The following JAG1 variants were observed in gnomAD, a reference collection of about 807,000 sequenced individuals.
The protein encoded by JAG1 is protein jagged-1.
JAG1 carries 23 observed loss-of-function variants against 148.7 expected under a neutral mutation model. The ratio of observed to expected loss-of-function variants is 0.15; its 90% CI spans 0.11 to 0.22. The LOEUF (loss-of-function observed/expected upper bound fraction) is 0.22. JAG1 is among the 10% of genes least tolerant of loss of function. The pLI is 1.00. For synonymous variants in JAG1, 572 were observed against 598.3 expected (o/e 0.96, Z 0.64); for missense variants, 1,054 against 1,611.2 (o/e 0.65, Z 5.92).
intron 11 of JAG1, 158 bp from the exon 12 acceptor site, chr20:10,648,880 G>A: frequency 1.1e-6 from 1 of 890,686 alleles, no homozygotes; most frequent in Non-Finnish European, 1.8e-6. Context: ...ATTTCTATGT[G>A]CATGCCTTCA....
intron 8 of JAG1, 177 bp downstream of exon 8, chr20:10,651,404 G>A: frequency 3.3e-6 from 2 of 598,450 alleles, no homozygotes; most frequent in African/African-American, 1.9e-5. Context: ...GGGACAGGAT[G>A]GGGGTGCTGG....
intron 2 of JAG1, among the ~76,000 whole-genome samples, chr20:10,671,927 G>A (rs1445591146): frequency 6.6e-6 from 1 of 151,880 alleles, no homozygotes; most frequent in African/African-American, 2.4e-5. Context: ...GCCTTGGCAC[G>A]GCCCCCGAAG....
At position 10,645,610 on chromosome 20, in the gene JAG1, G is replaced by T; in HGVS notation, c.2000-141C>A. ...AGTCGTAGTACTTTAACACAATCAG[G>T]CTTTTCCAGGAATAAAGGAGCTCCC... On this transcript the variant is annotated intron_variant, in intron 15 of 25. Transcript: ENST00000254958. The surrounding 1 kb of genome is among the most constrained non-coding windows in gnomAD (Gnocchi z 6.1). 1.3e-6 allele frequency: 1 copy of T among 752,344 alleles called. No individual in the cohort carries two copies. The highest frequency in any genetic ancestry group is 2.7e-5 in the East Asian group (1 of 37,476). 46.6% of individuals were successfully genotyped at this position (752,344 alleles called of 1,614,324 possible).
chr20:10,668,657 G>A (rs1409616892), intron 2 of JAG1, among the ~76,000 whole-genome samples: 2 of 150,666 alleles, frequency 1.3e-5, no homozygotes, highest in African/African-American at 4.9e-5. Context: ...AAGGCTCCTT[G>A]TTACCTTGAC....
chr20:10,666,553 G>C (rs1210546978), intron 2 of JAG1, among the ~76,000 whole-genome samples: 1 of 152,136 alleles, frequency 6.6e-6, no homozygotes, highest in Non-Finnish European at 1.5e-5. Flanking sequence ...GCAAATACCT[G>C]GGTTTTTCTT....
chr20:10,672,765 T>A lies in JAG1; in HGVS notation c.323A>T (p.Asn108Ile), dbSNP rs2067505956. The change falls in exon 2 of 26, where the codon AAC (asparagine) becomes ATC (isoleucine). Residue 108 changes from asparagine (N) to isoleucine (I), a missense_variant. Coordinates refer to ENST00000254958, the MANE Select transcript of JAG1 (RefSeq NM_000214.3). The stretch of plus-strand genomic sequence containing the variant: ...GTCGTTGCCGCGGCTGGCCTTGAGG[T>A]TGAAGGTGTTGCCCCCGATGACAGG... ...STPVIGGNTFNLKASRGNDRN... is the reference protein window; with the variant it reads ...STPVIGGNTFILKASRGNDRN... The A allele has an allele frequency of 5.0e-6, 8 of 1,612,988 alleles. No individual in the cohort carries two copies. In the Middle Eastern group the frequency reaches 6.6e-4, roughly 133 times the overall value.
chr20:10,643,644 GGAGA>G, intron 20 of JAG1, 130 bp downstream of exon 20: 1 of 756,980 alleles, frequency 1.3e-6, no homozygotes, highest in Non-Finnish European at 2.3e-6. Flanking sequence ...CCCAGCTGGA[GGAGA>G]GAGATCCTTT....
Position 10,640,835 on chromosome 20 carries a change from A to G in JAG1, c.3147T>C (p.Ile1049=), listed in dbSNP as rs1003116204. ...GAACTCTTACTTCTGCAACGGCAGC[A>G]ATCAGCGAGCTGTTTCCATCACGTT... The part of the protein sequence containing the change: ...VSKRDGNSSL[I]AAVAEVRVQR... Residue 1049 remains isoleucine, a synonymous_variant, in exon 25 of 26, where the codon ATT becomes ATC. Coordinates refer to ENST00000254958, the MANE Select transcript of JAG1 (RefSeq NM_000214.3). 10 of 1,614,098 alleles carry G rather than the reference A, an allele frequency of 6.2e-6. No individual in the cohort carries two copies. Among genetic ancestry groups the G allele is most frequent in the Non-Finnish European group, 5.9e-6 (7 of 1,180,050 alleles).
chr20:10,671,968 G>A (rs1600195870), intron 2 of JAG1, among the ~76,000 whole-genome samples: 1 of 152,024 alleles, frequency 6.6e-6, no homozygotes, highest in East Asian at 2.0e-4. Flanking sequence ...CGCCCTTCCC[G>A]GGGAAGTCTG....
In JAG1 at chr20:10,648,653, C is replaced by T. The variant is rs370107709; in HGVS notation, c.1465G>A (p.Asp489Asn). 15 of 1,614,110 alleles carry T rather than the reference C, an allele frequency of 9.3e-6. No individual in the cohort carries two copies. The highest frequency in any genetic ancestry group is 4.4e-5 in the South Asian group (4 of 91,084). ...YAGDHCERDI[D>N]ECASNPCLNG... Reference sequence around the variant, plus strand: ...AAACAGGGGTTGCTGGCACATTCATCGATGTCTCTCTCACAGTGATCGCCT... The same window carrying T: ...AAACAGGGGTTGCTGGCACATTCATTGATGTCTCTCTCACAGTGATCGCCT... Residue 489 changes from aspartate to asparagine, a missense_variant, in exon 12 of 26, where the codon GAT becomes AAT. Around this residue, in one of 6 missense-constraint regions of JAG1, gnomAD observed 245 missense variants for 373.1 expected, o/e 0.66. Transcript: ENST00000254958.
intron 25 of JAG1, 71 bp from the exon 26 acceptor site, chr20:10,640,026 G>T: frequency 8.1e-7 from 1 of 1,230,504 alleles, no homozygotes; most frequent in South Asian, 1.3e-5. Context: ...AGGAACAAAA[G>T]AATACCAACA....
rs35826283 is a variant in JAG1 at position 10,659,559 on chromosome 20, CTTTTTTTTTTT to C, written c.440-848_440-838del. On this transcript the variant is annotated intron_variant, in intron 3 of 25. Transcript: ENST00000254958. ...GGAAGCCAAGGAGACGATTAAGTTACTTTTTTTTTTTTTTTTTTTTTTTTTTTTACAATTGT... is the reference window on the plus strand; with the variant it reads ...GGAAGCCAAGGAGACGATTAAGTTACTTTTTTTTTTTTTTTTTACAATTGT... Among the ~76,000 whole-genome samples, 56 of 105,156 alleles carry C rather than the reference CTTTTTTTTTTT, an allele frequency of 5.3e-4. 1 individual carries two copies. The East Asian group carries it at 9.1e-3, about 17-fold the overall frequency. The allele number at this position is 105,156 out of a possible 152,430, so 69.0% of individuals were successfully genotyped here. A position where few individuals can be genotyped will look rare whatever the true frequency, so the allele number is the denominator to read the frequency against.
chr20:10,673,104 C>T lies in JAG1; in HGVS notation c.82-98G>A. The T allele has an allele frequency of 9.0e-7, 1 of 1,116,216 alleles. No homozygotes were observed. Among genetic ancestry groups the T allele is most frequent in the Non-Finnish European group, 1.3e-6 (1 of 754,144 alleles). The allele number at this position is 1,116,216 out of a possible 1,614,324, so 69.1% of individuals were successfully genotyped here. A position where few individuals can be genotyped will look rare whatever the true frequency, so the allele number is the denominator to read the frequency against. ...CTCCCACTCCCCGCCCCGACGAGCC[C>T]TCCTCGCCGAGTGAAAATAATTTTG... is the stretch of plus-strand genomic sequence containing the variant. On this transcript the variant is annotated intron_variant, in intron 1 of 25. Transcript: ENST00000254958. The surrounding 1 kb of genome is among the most constrained non-coding windows in gnomAD (Gnocchi z 4.7).
Position 10,652,461 on chromosome 20 carries a change from GC to G in JAG1, c.886+6del. ...CCCACCCTGGGTCTCATCCCTAAGGGCCATACCTTTGTCACAGAGCTGGCCG... is the reference window on the plus strand; with the variant it reads ...CCCACCCTGGGTCTCATCCCTAAGGGCATACCTTTGTCACAGAGCTGGCCG... On this transcript the variant is annotated splice_donor_region_variant and intron_variant, in intron 6 of 25. Transcript: ENST00000254958. The G allele has an allele frequency of 6.2e-7, 1 of 1,614,020 alleles. No homozygotes were observed. Among genetic ancestry groups the G allele is most frequent in the Non-Finnish European group, 8.5e-7 (1 of 1,179,992 alleles).
intron 4 of JAG1, 129 bp from the exon 5 acceptor site, chr20:10,656,587 G>A (rs2067380736): frequency 1.1e-5 from 8 of 745,132 alleles, no homozygotes; most frequent in East Asian, 2.7e-5. Flanking sequence ...CAAGTCCCTT[G>A]TAAGGAGAGG....
chr20:10,644,929 C>A lies in JAG1; in HGVS notation c.2278G>T (p.Val760Leu). The change falls in exon 18 of 26, where the codon GTG (valine) becomes TTG (leucine). Residue 760 changes from valine (V) to leucine (L), a missense_variant. Val to Leu is a conservative substitution (Grantham distance 32). Around this residue, in one of 6 missense-constraint regions of JAG1, gnomAD observed 342 missense variants for 514.6 expected, o/e 0.66. Coordinates refer to ENST00000254958, the MANE Select transcript of JAG1 (RefSeq NM_000214.3). ...PNPCHNGGTCVVNGESFTCVC... is the reference protein window; with the variant it reads ...PNPCHNGGTCLVNGESFTCVC... ...CACGTAAAGGACTCGCCGTTGACCA[C>A]ACATGTGCCCCCATTATGGCAGGGG... is the stretch of plus-strand genomic sequence containing the variant. 1.2e-6 allele frequency: 2 copies of A among 1,614,198 alleles called. No homozygotes were observed. Among genetic ancestry groups the A allele is most frequent in the Non-Finnish European group, 1.7e-6 (2 of 1,180,026 alleles).
intron 8 of JAG1, 198 bp downstream of exon 8, chr20:10,651,383 G>A (rs1467679743): frequency 3.5e-6 from 2 of 564,346 alleles, no homozygotes. Flanking sequence ...AGATACATGC[G>A]CTACCTTAGT....
chr20:10,648,659 C>T lies in JAG1; in HGVS notation c.1459G>A (p.Asp487Asn). ...PGYAGDHCER[D>N]IDECASNPCL... ...GGGTTGCTGGCACATTCATCGATGT[C>T]TCTCTCACAGTGATCGCCTGCATAG... Residue 487 changes from aspartate to asparagine, a missense_variant, in exon 12 of 26, where the codon GAC becomes AAC. Coordinates refer to ENST00000254958, the MANE Select transcript of JAG1 (RefSeq NM_000214.3). 1 of 1,614,180 alleles carries T rather than the reference C, an allele frequency of 6.2e-7. No individual in the cohort carries two copies. Among genetic ancestry groups the T allele is most frequent in the African/African-American group, 1.3e-5 (1 of 75,052 alleles).
In JAG1 at chr20:10,640,805, C is replaced by T; in HGVS notation, c.3177G>A (p.Arg1059=). ...TACCTGTTCTGTTCTTCAGAGGCCGCCTCTGAACTCTTACTTCTGCAACGG... is the reference window on the plus strand; with the variant it reads ...TACCTGTTCTGTTCTTCAGAGGCCGTCTCTGAACTCTTACTTCTGCAACGG... ...IAAVAEVRVQ[R]RPLKNRTDFL... The change falls in exon 25 of 26, where the codon AGG becomes AGA. Residue 1059 remains arginine, a synonymous_variant. Transcript: ENST00000254958. 6.2e-7 allele frequency: 1 copy of T among 1,614,180 alleles called. No homozygotes were observed. Among genetic ancestry groups the T allele is most frequent in the East Asian group, 2.2e-5 (1 of 44,886 alleles).
Sources: gnomAD v4.1 joint callset for allele counts (sites outside exome capture counted in the v4.1 genomes callset) on GRCh38, gnomAD v4.1.1 for gene constraint, gnomAD v4.1.1 regional missense constraint, Gnocchi (gnomAD v3.1) non-coding constraint, MANE v1.5 for transcripts, NCBI Gene and HGNC (gene_info 2026-07-23, HGNC 2026-07-21) for gene names.